Variants in OGDH observed in about 807,000 individuals in gnomAD.
OGDH encodes oxoglutarate dehydrogenase.
OGDH carries 38 observed loss-of-function variants against 116.6 expected under a neutral mutation model. The observed-to-expected ratio is 0.33, with a 90% CI of 0.25 to 0.43. The LOEUF (loss-of-function observed/expected upper bound fraction) is 0.43. OGDH is among the 20% of genes least tolerant of loss of function. The pLI is 1.00. For synonymous variants in OGDH, 488 were observed against 533.3 expected, an observed-to-expected ratio of 0.92 and a Z score of 1.17; for missense variants, 825 against 1,357.2, an observed-to-expected ratio of 0.61 and a Z score of 6.16.
chr7:44,682,255 C>T (rs1787957501), intron 10 of OGDH, among the ~76,000 whole-genome samples: 1 of 151,916 alleles, frequency 6.6e-6, no homozygotes, highest in Non-Finnish European at 1.5e-5. Context: ...CATGGGATCA[C>T]ATGCCTGTGA....
chr7:44,624,291 GTTTTTTTTTTTT>G lies in OGDH; in HGVS notation c.-27-18_-27-7del. On this transcript the variant is annotated splice_polypyrimidine_tract_variant and intron_variant, in intron 1 of 22. Transcript: ENST00000222673. ...CTCATTTTTAAAACCTTTCTTTCTT[GTTTTTTTTTTTT>G]TTTTTTTGTACAGGCAGTTGTGAAA... 1.3e-6 allele frequency: 1 copy of G among 757,960 alleles called. No individual in the cohort carries two copies. The highest frequency in any genetic ancestry group is 2.8e-5 in the Admixed American group (1 of 35,136). 47.0% of individuals were successfully genotyped at this position (757,960 alleles called of 1,614,324 possible). A position where few individuals can be genotyped will look rare whatever the true frequency, so the allele number is the denominator to read the frequency against.
At chr7:44,698,334 C>G in intron 18 of OGDH, 71 bp downstream of exon 18, 1 of 1,484,992 alleles carries the variant, frequency 6.7e-7, no homozygotes, top group South Asian at 1.1e-5. Flanking sequence ...GAAGAGCAAT[C>G]TATCTGGTCA....
At chr7:44,652,535 G>A (rs1786497243) in intron 4 of OGDH, among the ~76,000 whole-genome samples, 1 of 152,108 alleles carries the variant, frequency 6.6e-6, no homozygotes, top group Non-Finnish European at 1.5e-5. Context: ...AGGGTTGAGA[G>A]TTCCAACATG....
rs1788460986 is a variant in OGDH, at chr7:44,693,726, A to T, written c.1336-99A>T. 9.6e-6 allele frequency: 10 copies of T among 1,046,768 alleles called. No homozygotes were observed. The South Asian group carries it at 1.7e-4, about 18-fold the overall frequency. The allele number at this position is 1,046,768 out of a possible 1,614,324, so 64.8% of individuals were successfully genotyped here. ...TTTGGGGTACGTACTCAGAGTAGCC[A>T]GATGGCAAGTGCATGCCATGCCCGG... On this transcript the variant is annotated intron_variant, in intron 10 of 22. Coordinates refer to ENST00000222673, the MANE Select transcript of OGDH (RefSeq NM_002541.4).
Position 44,621,945 on chromosome 7 carries a change from C to T in OGDH, c.-27-2372C>T, listed in dbSNP as rs77873222. Among the ~76,000 whole-genome samples, 1,500 of 152,000 alleles carry T rather than the reference C, an allele frequency of 9.9e-3. 27 individuals are homozygous for T. Among genetic ancestry groups the T allele is most frequent in the African/African-American group, 0.033 (1,363 of 41,472 alleles). On this transcript the variant is annotated intron_variant, in intron 1 of 22. Coordinates refer to ENST00000222673, the MANE Select transcript of OGDH (RefSeq NM_002541.4). The stretch of plus-strand genomic sequence containing the variant: ...AACTATGTGTCAGATTCAGTGACTG[C>T]GGATAGCAAAATGTCATGATTTACT...
intron 12 of OGDH, among the ~76,000 whole-genome samples, chr7:44,695,558 C>T (rs1788544687): frequency 6.6e-6 from 1 of 152,094 alleles, no homozygotes; most frequent in Non-Finnish European, 1.5e-5. Context: ...CAAAAATTTG[C>T]TGGGCGTGGT....
intron 5 of OGDH, among the ~76,000 whole-genome samples, chr7:44,669,604 A>G (rs1056281399): frequency 2.6e-5 from 4 of 152,056 alleles, no homozygotes; most frequent in African/African-American, 9.7e-5. Context: ...CTAACTTCCT[A>G]TCTGAATCTT....
chr7:44,671,450 G>A (rs1326933237), intron 5 of OGDH, among the ~76,000 whole-genome samples: 3 of 152,252 alleles, frequency 2.0e-5, no homozygotes, highest in African/African-American at 7.2e-5. Context: ...GGTTTGTGGG[G>A]GAACAAACGG....
At chr7:44,626,026 C>G (rs563611620) in intron 2 of OGDH, among the ~76,000 whole-genome samples, 1 of 152,148 alleles carries the variant, frequency 6.6e-6, no homozygotes, top group African/African-American at 2.4e-5. Context: ...GCTGGGCCAC[C>G]AGGTCCCATT....
intron 10 of OGDH, among the ~76,000 whole-genome samples, chr7:44,685,284 C>G (rs6969883): frequency 0.05 from 7,563 of 152,180 alleles, 599 homozygotes; most frequent in African/African-American, 0.17. Flanking sequence ...TTCCCTGACC[C>G]CCAGCCCCTG....
At position 44,695,385 on chromosome 7, in the gene OGDH, T is replaced by C. The variant is rs775509447; in HGVS notation, c.1669-640T>C. Among the ~76,000 whole-genome samples, 12 of 151,946 alleles carry C rather than the reference T, an allele frequency of 7.9e-5. No homozygotes were observed. In the South Asian group the frequency reaches 8.3e-4, roughly 11 times the overall value. On this transcript the variant is annotated intron_variant, in intron 12 of 22. Coordinates refer to ENST00000222673, the MANE Select transcript of OGDH (RefSeq NM_002541.4). ...TGCTGGGATTATAGGCATGAGCCAC[T>C]GCGCCTGGCCTGGACCAGTTCTTAA...
At chr7:44,648,117 T>G (rs1490454354) in intron 4 of OGDH, among the ~76,000 whole-genome samples, 2 of 152,234 alleles carry the variant, frequency 1.3e-5, no homozygotes, top group Non-Finnish European at 1.5e-5. Context: ...CAGTGAGGCA[T>G]GTCCATGAGG....
chr7:44,632,192 G>C (rs919276484), intron 2 of OGDH, among the ~76,000 whole-genome samples: 4 of 152,124 alleles, frequency 2.6e-5, no homozygotes, highest in Admixed American at 6.6e-5. Context: ...GGAGGAGTTG[G>C]GATCCCCAAG....
chr7:44,642,430 TAAA>T (rs901212882), intron 2 of OGDH, among the ~76,000 whole-genome samples: 5 of 150,426 alleles, frequency 3.3e-5, no homozygotes, highest in Admixed American at 6.6e-5. Context: ...TCTCAAAAAA[TAAA>T]AAAGAAAGAA....
intron 10 of OGDH, among the ~76,000 whole-genome samples, chr7:44,688,575 C>T (rs1191458517): frequency 1.3e-5 from 2 of 151,278 alleles, no homozygotes; most frequent in East Asian, 4.0e-4. Context: ...GGACTACAGG[C>T]ACCCACCACC....
chr7:44,681,709 G>C lies in OGDH; in HGVS notation c.1207-11G>C, dbSNP rs1465639096. 3 of 1,612,742 alleles carry C rather than the reference G, an allele frequency of 1.9e-6. No homozygotes were observed. Among genetic ancestry groups the C allele is most frequent in the Admixed American group, 1.7e-5 (1 of 59,792 alleles). On this transcript the variant is annotated splice_polypyrimidine_tract_variant and intron_variant, in intron 9 of 22. Coordinates refer to ENST00000222673, the MANE Select transcript of OGDH (RefSeq NM_002541.4). Reference sequence around the variant, plus strand: ...ACATTCTGGATTTGGGGTCTCCTTTGGTGTTTACAGGTCATGTCCATCCTG... The same window carrying C: ...ACATTCTGGATTTGGGGTCTCCTTTCGTGTTTACAGGTCATGTCCATCCTG...
chr7:44,641,109 G>T (rs1355822747), intron 2 of OGDH, among the ~76,000 whole-genome samples: 1 of 149,388 alleles, frequency 6.7e-6, no homozygotes, highest in African/African-American at 2.5e-5. Flanking sequence ...CACCATGTTA[G>T]CCAGGATGGT....
chr7:44,686,499 C>G (rs1278562518), intron 10 of OGDH, among the ~76,000 whole-genome samples: 6 of 151,942 alleles, frequency 3.9e-5, no homozygotes, highest in Non-Finnish European at 7.4e-5. Context: ...GTTGTAATGC[C>G]TTTATCTGGT....
At chr7:44,698,745 G>T (rs1379145881) in intron 18 of OGDH, among the ~76,000 whole-genome samples, 1 of 151,864 alleles carries the variant, frequency 6.6e-6, no homozygotes, top group African/African-American at 2.4e-5. Flanking sequence ...GGAGGCTGAG[G>T]TGGGAGGATT....
Sources: gnomAD v4.1 joint callset for allele counts (sites outside exome capture counted in the v4.1 genomes callset) on GRCh38, gnomAD v4.1.1 for gene constraint, MANE v1.5 for transcripts, NCBI Gene and HGNC (gene_info 2026-07-23, HGNC 2026-07-21) for gene names.